Variants in SNAP91 observed in about 807,000 individuals in gnomAD.
The protein encoded by SNAP91 is clathrin coat assembly protein AP180.
A neutral mutation model predicts 100.3 loss-of-function variants in SNAP91; 27 were observed. The ratio of observed to expected loss-of-function variants is 0.27; its 90% CI spans 0.20 to 0.37. The LOEUF is 0.37. Among genes scored for constraint, SNAP91 ranks in the 10% least tolerant of loss-of-function variants. The pLI is 1.00. For synonymous variants in SNAP91, 404 were observed against 398.6 expected (o/e 1.01, Z -0.16); for missense variants, 986 against 1,123.7 (o/e 0.88, Z 1.75).
At chr6:83,574,592 T>C (rs1248808186) in intron 26 of SNAP91, among the ~76,000 whole-genome samples, 1 of 152,102 alleles carries the variant, frequency 6.6e-6, no homozygotes, top group Non-Finnish European at 1.5e-5. Flanking sequence ...AGAAATATGA[T>C]AAGATAGATA....
rs146376975 is a variant in SNAP91 at position 83,653,064 on chromosome 6, G to A, written c.658+3690C>T. On this transcript the variant is annotated intron_variant, in intron 7 of 29. Coordinates refer to ENST00000369694, the MANE Select transcript of SNAP91 (RefSeq NM_001242792.2). ...ATAGTTTGAAAATTATATGCCTTAA[G>A]GTAGTTTCGGGGGCATTTCCTACTT... is the stretch of plus-strand genomic sequence containing the variant. Among the ~76,000 whole-genome samples, 289 of 152,132 alleles carry A rather than the reference G, an allele frequency of 1.9e-3. 1 individual carries two copies. The highest frequency in any genetic ancestry group is 6.1e-3 in the African/African-American group (252 of 41,520).
intron 26 of SNAP91, among the ~76,000 whole-genome samples, chr6:83,570,440 T>C (rs957166473): frequency 3.3e-5 from 5 of 151,522 alleles, no homozygotes; most frequent in Non-Finnish European, 5.9e-5. Context: ...TAAATTTGCA[T>C]AAGTAACAAA....
chr6:83,622,451 A>AT (rs5877857), intron 9 of SNAP91, among the ~76,000 whole-genome samples: 124,599 of 151,858 alleles, frequency 0.82, 51,374 homozygotes, highest in East Asian at 0.96. Flanking sequence ...CATTATGACA[A>AT]TTTTTTCTAT....
At chr6:83,701,874 A>G (rs1338219841) in intron 2 of SNAP91, among the ~76,000 whole-genome samples, 1 of 152,260 alleles carries the variant, frequency 6.6e-6, no homozygotes, top group African/African-American at 2.4e-5. Flanking sequence ...AAAAACAGCT[A>G]GAAAGACTGT....
intron 2 of SNAP91, among the ~76,000 whole-genome samples, chr6:83,694,770 C>T (rs1339159795): frequency 6.6e-6 from 1 of 152,160 alleles, no homozygotes; most frequent in Non-Finnish European, 1.5e-5. Flanking sequence ...GGTCAAGCTT[C>T]ACCCCTGCCT....
intron 2 of SNAP91, among the ~76,000 whole-genome samples, chr6:83,684,937 C>T (rs2099040769): frequency 6.6e-6 from 1 of 152,180 alleles, no homozygotes; most frequent in Non-Finnish European, 1.5e-5. Flanking sequence ...ATCTGTGCCT[C>T]TTTCCTAGAA....
intron 9 of SNAP91, among the ~76,000 whole-genome samples, chr6:83,619,020 C>G (rs548464951): frequency 2.0e-5 from 3 of 150,600 alleles, no homozygotes; most frequent in African/African-American, 4.9e-5. Context: ...AACAAAAAAA[C>G]AAAACAAAAA....
At chr6:83,582,579 C>T (rs1446531469) in intron 22 of SNAP91, among the ~76,000 whole-genome samples, 1 of 152,106 alleles carries the variant, frequency 6.6e-6, no homozygotes, top group Non-Finnish European at 1.5e-5. Context: ...AATAAGATAA[C>T]ACACAAGTAT....
chr6:83,579,330 C>T (rs1824536756), intron 24 of SNAP91, among the ~76,000 whole-genome samples: 1 of 152,036 alleles, frequency 6.6e-6, no homozygotes, highest in Non-Finnish European at 1.5e-5. Flanking sequence ...AAAGGGGATA[C>T]ATTATAGTAT....
intron 24 of SNAP91, among the ~76,000 whole-genome samples, 182 bp from the exon 25 acceptor site, chr6:83,576,235 C>A (rs1818504612): frequency 6.6e-6 from 1 of 152,082 alleles, no homozygotes; most frequent in Admixed American, 6.6e-5. Context: ...TAAAGATTTT[C>A]TTTTACTTCA....
intron 8 of SNAP91, among the ~76,000 whole-genome samples, chr6:83,636,759 T>C (rs1266599958): frequency 6.6e-6 from 1 of 152,236 alleles, no homozygotes; most frequent in Non-Finnish European, 1.5e-5. Context: ...CCTAAGTTCT[T>C]GAGCTGATTC....
intron 7 of SNAP91, among the ~76,000 whole-genome samples, 166 bp from the exon 8 acceptor site, chr6:83,641,368 T>C (rs2097693870): frequency 1.3e-5 from 2 of 152,078 alleles, no homozygotes; most frequent in Non-Finnish European, 2.9e-5. Context: ...GGAACCTGAA[T>C]AGATTAAGAA....
rs1562257506 is a variant in SNAP91 at position 83,593,569 on chromosome 6, G to A, written c.1605C>T (p.Ala535=). ...TGGCAGCGGCGGTGGCAGCAGTAGT[G>A]GCAGCAGCAGCAGCTGCAACGGCAG... ...PAPAVAAAAA[A]TTAATAAATT... is the part of the protein sequence containing the mutation. The change falls in exon 18 of 30, where the codon GCC becomes GCT. Residue 535 remains alanine (A), a synonymous_variant. Transcript: ENST00000369694. The A allele has an allele frequency of 6.4e-7, 1 of 1,554,370 alleles. No individual in the cohort carries two copies. The highest frequency in any genetic ancestry group is 8.7e-7 in the Non-Finnish European group (1 of 1,146,964).
At chr6:83,692,000 C>T (rs2099137044) in intron 2 of SNAP91, among the ~76,000 whole-genome samples, 1 of 152,080 alleles carries the variant, frequency 6.6e-6, no homozygotes, top group African/African-American at 2.4e-5. Context: ...ACAGTGAAGG[C>T]ATAATTGCCC....
chr6:83,574,067 T>C (rs889392322), intron 26 of SNAP91, among the ~76,000 whole-genome samples: 8 of 152,208 alleles, frequency 5.3e-5, no homozygotes, highest in Non-Finnish European at 1.2e-4. Flanking sequence ...AATTTACTTC[T>C]TGCATGTTTG....
At chr6:83,649,116 T>C (rs2098087415) in intron 7 of SNAP91, among the ~76,000 whole-genome samples, 1 of 152,204 alleles carries the variant, frequency 6.6e-6, no homozygotes, top group Admixed American at 6.5e-5. Context: ...TATTTACTAC[T>C]GAATAACAAA....
At chr6:83,585,552 G>C (rs1045841266) in intron 22 of SNAP91, among the ~76,000 whole-genome samples, 7 of 139,052 alleles carry the variant, frequency 5.0e-5, no homozygotes, top group African/African-American at 1.9e-4. Flanking sequence ...AAAAAGAAAG[G>C]TGCTCTATGG....
chr6:83,667,844 C>G (rs1006504643), intron 2 of SNAP91, among the ~76,000 whole-genome samples: 3 of 152,082 alleles, frequency 2.0e-5, no homozygotes, highest in Admixed American at 6.6e-5. Flanking sequence ...TCTAATTAAA[C>G]TAAAGAGCTT....
chr6:83,574,349 CAT>C (rs1228092074), intron 26 of SNAP91, among the ~76,000 whole-genome samples: 2 of 152,126 alleles, frequency 1.3e-5, no homozygotes, highest in Non-Finnish European at 2.9e-5. Context: ...TATTTCCAGT[CAT>C]GTGTTCTTTC....
Sources: gnomAD v4.1 joint callset for allele counts (sites outside exome capture counted in the v4.1 genomes callset) on GRCh38, gnomAD v4.1.1 for gene constraint, MANE v1.5 for transcripts, NCBI Gene and HGNC (gene_info 2026-07-23, HGNC 2026-07-21) for gene names.